Variants in SYNPR observed in about 807,000 individuals in gnomAD.
The protein encoded by SYNPR is synaptoporin.
SYNPR carries 23 observed loss-of-function variants against 32.9 expected under a neutral mutation model. That is an observed-to-expected ratio of 0.70 (90% confidence interval 0.50 to 0.99). SYNPR has a LOEUF of 0.99. Among genes scored for constraint, SYNPR ranks in the 50% least tolerant of loss-of-function variants. The pLI is 0.00. For synonymous variants in SYNPR, 146 were observed against 135.9 expected (o/e 1.07, Z -0.52); for missense variants, 318 against 349.3 (o/e 0.91, Z 0.71).
At chr3:63,579,755 G>A (rs914518173) in intron 4 of SYNPR, among the ~76,000 whole-genome samples, 2 of 150,078 alleles carry the variant, frequency 1.3e-5, no homozygotes, top group African/African-American at 4.9e-5. Context: ...AATTTCAAAT[G>A]GTTTCTGAGG....
intron 2 of SYNPR, among the ~76,000 whole-genome samples, chr3:63,442,329 T>TA (rs1700194918): frequency 6.6e-6 from 1 of 152,022 alleles, no homozygotes; most frequent in South Asian, 2.1e-4. Context: ...TTAATACCTA[T>TA]AAAAAATGTG....
intron 2 of SYNPR, among the ~76,000 whole-genome samples, chr3:63,423,420 C>T (rs1478632468): frequency 1.3e-5 from 2 of 152,146 alleles, no homozygotes; most frequent in African/African-American, 2.4e-5. Context: ...AGGAGAAGGA[C>T]TCAAATCAGT....
chr3:63,236,016 A>G (rs1292427657), intron 1 of SYNPR, among the ~76,000 whole-genome samples: 1 of 150,260 alleles, frequency 6.7e-6, no homozygotes, highest in Admixed American at 6.6e-5. Context: ...ATGTAACTCC[A>G]TGATCCATTT....
intron 2 of SYNPR, among the ~76,000 whole-genome samples, chr3:63,451,274 C>T (rs986890034): frequency 6.6e-6 from 1 of 152,056 alleles, no homozygotes; most frequent in Non-Finnish European, 1.5e-5. Context: ...ATTCCATGCC[C>T]TCGATGAGTG....
intron 2 of SYNPR, among the ~76,000 whole-genome samples, chr3:63,405,770 G>A (rs1331131551): frequency 9.2e-5 from 14 of 152,150 alleles, no homozygotes; most frequent in Non-Finnish European, 1.5e-5. Flanking sequence ...GGATAGAAGA[G>A]CATAAATGGA....
At chr3:63,202,480 A>G in the SYNPR span, among the ~76,000 whole-genome samples, 1 of 152,198 alleles carries the variant, frequency 6.6e-6, no homozygotes, top group Non-Finnish European at 1.5e-5. Flanking sequence ...GATTGTCAGC[A>G]GTTATCCCTC....
At chr3:63,269,807 C>CT (rs966311551) in intron 3 of SYNPR, among the ~76,000 whole-genome samples, 7 of 152,160 alleles carry the variant, frequency 4.6e-5, no homozygotes, top group African/African-American at 1.7e-4. Flanking sequence ...AGACACTGAG[C>CT]TTAGCAACTA....
intron 2 of SYNPR, among the ~76,000 whole-genome samples, chr3:63,313,704 C>CATATATATGTATCCAT (rs1553866716): frequency 3.2e-5 from 1 of 31,582 alleles, no homozygotes; most frequent in Non-Finnish European, 5.8e-5. Context: ...TATATATATC[C>CATATATATGTATCCAT]ATATATATAT....
chr3:63,509,904 C>A (rs1701663248), intron 3 of SYNPR, among the ~76,000 whole-genome samples: 1 of 152,070 alleles, frequency 6.6e-6, no homozygotes, highest in African/African-American at 2.4e-5. Flanking sequence ...TTAATTATTA[C>A]TAGTATGCGA....
chr3:63,431,800 A>G (rs1177113046), intron 2 of SYNPR, among the ~76,000 whole-genome samples: 1 of 150,628 alleles, frequency 6.6e-6, no homozygotes, highest in East Asian at 1.9e-4. Flanking sequence ...CTTTCCTTGG[A>G]GTCCTCATTA....
chr3:63,520,495 A>G (rs886364652), intron 3 of SYNPR, among the ~76,000 whole-genome samples: 4 of 152,130 alleles, frequency 2.6e-5, no homozygotes, highest in African/African-American at 9.7e-5. Context: ...CAACGTGGTG[A>G]AACCCTGTCT....
chr3:63,520,967 T>C (rs114127791), intron 3 of SYNPR, among the ~76,000 whole-genome samples: 3,095 of 152,240 alleles, frequency 0.02, 113 homozygotes, highest in African/African-American at 0.07. Flanking sequence ...TTTGTGTCCA[T>C]TTGTGTGGAA....
intron 3 of SYNPR, among the ~76,000 whole-genome samples, chr3:63,520,664 C>T (rs1329481594): frequency 8.2e-6 from 1 of 122,054 alleles, no homozygotes; most frequent in Non-Finnish European, 1.8e-5. Flanking sequence ...CAGAGCAAGA[C>T]TCCATCTCAA....
intron 3 of SYNPR, among the ~76,000 whole-genome samples, chr3:63,501,511 A>AG (rs1701480955): frequency 1.1e-5 from 1 of 87,790 alleles, no homozygotes; most frequent in South Asian, 3.0e-4. Flanking sequence ...AAAAAAAAAA[A>AG]AAAGAAAAGA....
At chr3:63,405,193 A>T (rs1420777571) in intron 2 of SYNPR, among the ~76,000 whole-genome samples, 1 of 152,150 alleles carries the variant, frequency 6.6e-6, no homozygotes, top group East Asian at 1.9e-4. Flanking sequence ...AACAAGGTAG[A>T]CTCAATTTCT....
rs1311454541 is a variant in SYNPR at position 63,259,899 on chromosome 3, T to C, written n.154+7313T>C. 5.3e-5 allele frequency among the ~76,000 whole-genome samples: 8 copies of C among 152,200 alleles called. No individual in the cohort carries two copies. In the South Asian group the frequency reaches 1.2e-3, roughly 24 times the overall value. Reference sequence around the variant, plus strand: ...AGTCTCAGGATACAAAATCAATGTGTGAAAATCACAAGCATTCTTATACAC... The same window carrying C: ...AGTCTCAGGATACAAAATCAATGTGCGAAAATCACAAGCATTCTTATACAC... On this transcript the variant is annotated intron_variant and non_coding_transcript_variant, in intron 2 of 4. Coordinates refer to the SYNPR transcript ENST00000478456.
chr3:63,444,025 AAAGTATTCAGATCACT>A (rs1462064105), intron 2 of SYNPR, among the ~76,000 whole-genome samples: 1 of 152,214 alleles, frequency 6.6e-6, no homozygotes, highest in Non-Finnish European at 1.5e-5. Flanking sequence ...GAATTTAGAA[AAAGTATTCAGATCACT>A]AAATGAAGTC....
rs1491401546 is a variant in SYNPR at position 63,494,417 on chromosome 3, ACG to A, written c.209+13462_209+13463del. Reference sequence around the variant, plus strand: ...CTTATATATATATATATATATATATACGTATATATATATATACGTATATATAT... The same window carrying A: ...CTTATATATATATATATATATATATATATATATATATATACGTATATATAT... On this transcript the variant is annotated intron_variant, in intron 3 of 5. Transcript: ENST00000478300. Among the ~76,000 whole-genome samples the A allele has an allele frequency of 7.3e-3, 861 of 118,086 alleles. 11 individuals are homozygous for A. Among genetic ancestry groups the A allele is most frequent in the African/African-American group, 0.029 (765 of 26,228 alleles). 77.5% of individuals were successfully genotyped at this position (118,086 alleles called of 152,430 possible).
chr3:63,593,183 A>G (rs1273042002), intron 4 of SYNPR, among the ~76,000 whole-genome samples: 1 of 152,166 alleles, frequency 6.6e-6, no homozygotes, highest in Non-Finnish European at 1.5e-5. Context: ...TAGAGCTATT[A>G]ATATTAATGC....
Sources: allele counts gnomAD v4.1 joint callset (sites outside exome capture counted in the v4.1 genomes callset), GRCh38; gene constraint gnomAD v4.1.1; transcripts MANE v1.5; gene names NCBI Gene and HGNC (gene_info 2026-07-23, HGNC 2026-07-21).